Variants in BCO1 observed in about 807,000 individuals in gnomAD.
BCO1 encodes beta-carotene oxygenase 1, also known as beta,beta-carotene 15,15'-dioxygenase.
Under a neutral mutation model 56.3 loss-of-function variants are expected in BCO1, and 54 were observed. That is an observed-to-expected ratio of 0.96 (90% CI 0.77 to 1.20). BCO1 has a LOEUF of 1.20. BCO1 is among the 50% of genes most tolerant of loss of function. The probability of loss-of-function intolerance (pLI) is 0.00; values close to 1 mark genes in which losing one functional copy is unlikely to be tolerated. For missense variants in BCO1, 801 were observed against 690.9 expected (o/e 1.16, Z -1.79); for synonymous variants, 318 against 266.1 (o/e 1.20, Z -1.90).
intron 7 of BCO1, among the ~76,000 whole-genome samples, chr16:81,280,350 C>T (rs1025603334): frequency 8.4e-6 from 1 of 119,558 alleles, no homozygotes; most frequent in Non-Finnish European, 1.7e-5. Context: ...CACACACACA[C>T]ATTTAGTATA....
At chr16:81,246,305 T>C (rs532129278) in intron 2 of BCO1, among the ~76,000 whole-genome samples, 2 of 152,242 alleles carry the variant, frequency 1.3e-5, no homozygotes, top group East Asian at 3.9e-4. Flanking sequence ...CTCAAAATCC[T>C]TATTCACATC....
intron 2 of BCO1, among the ~76,000 whole-genome samples, chr16:81,252,495 A>T (rs1905869765): frequency 6.6e-6 from 1 of 152,112 alleles, no homozygotes; most frequent in Admixed American, 6.5e-5. Context: ...ACCTCAGGTG[A>T]TCCACCTGCC....
chr16:81,275,437 A>G (rs762381136), intron 7 of BCO1, among the ~76,000 whole-genome samples: 1 of 152,250 alleles, frequency 6.6e-6, no homozygotes, highest in African/African-American at 2.4e-5. Context: ...GTCAGGGATC[A>G]GCAGCATGAC....
At chr16:81,251,202 A>G (rs1905776734) in intron 2 of BCO1, among the ~76,000 whole-genome samples, 2 of 152,214 alleles carry the variant, frequency 1.3e-5, no homozygotes, top group South Asian at 4.1e-4. Context: ...AGCAAGAAAC[A>G]AAAAGGCAGA....
Position 81,251,421 on chromosome 16 carries a change from G to A in BCO1, c.193+5818G>A, listed in dbSNP as rs569292556. On this transcript the variant is annotated intron_variant, in intron 2 of 10. Transcript: ENST00000258168. The stretch of plus-strand genomic sequence containing the variant: ...CAGAAAATCAAAAAGTTATCCAGGC[G>A]TGGTGGTATGCACCTATAGTCCCAG... 5.3e-5 allele frequency among the ~76,000 whole-genome samples: 8 copies of A among 151,968 alleles called. No homozygotes were observed. In the South Asian group the frequency reaches 1.0e-3, roughly 20 times the overall value.
intron 10 of BCO1, among the ~76,000 whole-genome samples, chr16:81,288,545 G>A (rs556565753): frequency 1.3e-5 from 2 of 152,314 alleles, no homozygotes; most frequent in South Asian, 4.1e-4. Flanking sequence ...GATTACAGGT[G>A]TGAGCCAGTG....
At chr16:81,260,684 T>C (rs765644780) in intron 3 of BCO1, among the ~76,000 whole-genome samples, 31 of 152,132 alleles carry the variant, frequency 2.0e-4, no homozygotes, top group Non-Finnish European at 3.8e-4. Flanking sequence ...AATTTTTATA[T>C]TTTCAGTAGA....
chr16:81,270,548 G>T, intron 7 of BCO1, 132 bp downstream of exon 7: 4 of 1,266,354 alleles, frequency 3.2e-6, no homozygotes, highest in Middle Eastern at 5.4e-4. Context: ...AGTTTTCATT[G>T]TTTTTCCCAA....
chr16:81,242,048 G>C (rs1905147637), intron 1 of BCO1, among the ~76,000 whole-genome samples: 1 of 152,026 alleles, frequency 6.6e-6, no homozygotes, highest in South Asian at 2.1e-4. Context: ...GCATGTAAGT[G>C]TTCTTGTCCT....
intron 4 of BCO1, chr16:81,263,552 A>G (rs1906630092): frequency 6.6e-6 from 1 of 152,168 alleles, no homozygotes; most frequent in African/African-American, 2.4e-5. Flanking sequence ...TTTTTGCAAG[A>G]CACAATTCAA....
intron 7 of BCO1, 91 bp downstream of exon 7, chr16:81,270,507 A>G (rs1184653868): frequency 6.5e-7 from 1 of 1,545,046 alleles, no homozygotes; most frequent in Non-Finnish European, 8.9e-7. Flanking sequence ...TGACATTGAA[A>G]TCCAAATGAA....
At position 81,290,787 on chromosome 16, in the gene BCO1, C is replaced by T. The variant is rs1908420183; in HGVS notation, c.*210C>T. ...TTTGTTTGAAAGTCAAACATTTGAA[C>T]ATCAAATATGTATTGATTAGATCCA... is the stretch of plus-strand genomic sequence containing the variant. On this transcript the variant is annotated 3_prime_UTR_variant, in exon 11 of 11. Transcript: ENST00000258168. The T allele has an allele frequency of 5.3e-6, 3 of 571,322 alleles. No individual in the cohort carries two copies. The highest frequency in any genetic ancestry group is 9.3e-6 in the Non-Finnish European group (3 of 321,256). 35.4% of individuals were successfully genotyped at this position (571,322 alleles called of 1,614,324 possible).
chr16:81,246,442 A>G lies in BCO1; in HGVS notation c.193+839A>G, dbSNP rs1314208549. On this transcript the variant is annotated intron_variant, in intron 2 of 10. Coordinates refer to ENST00000258168, the MANE Select transcript of BCO1 (RefSeq NM_017429.3). ...CACAGACTTTCCTAAAAAGGAGGCC[A>G]AGGTTCTTTTTCAAATAGTTAATCT... Among the ~76,000 whole-genome samples, 5 of 152,182 alleles carry G rather than the reference A, an allele frequency of 3.3e-5. No individual in the cohort carries two copies. The East Asian group carries it at 9.6e-4, about 29-fold the overall frequency.
At chr16:81,248,405 C>CGAA (rs1905560815) in intron 2 of BCO1, among the ~76,000 whole-genome samples, 1 of 102,828 alleles carries the variant, frequency 9.7e-6, no homozygotes, top group Non-Finnish European at 1.8e-5. Flanking sequence ...CTCCCTCTCA[C>CGAA]AAAAAAAAAA....
rs1906377559 is a variant in BCO1, at chr16:81,259,860, G to A, written c.323+55G>A. 6 of 1,607,270 alleles carry A rather than the reference G, an allele frequency of 3.7e-6. No homozygotes were observed. The South Asian group carries it at 5.5e-5, about 15-fold the overall frequency. ...TTCATGCTTTTTGCTATCCTTGATG[G>A]CTGAAATAACCAGCATTTGCTCCTC... On this transcript the variant is annotated intron_variant, in intron 3 of 10. Transcript: ENST00000258168.
At chr16:81,250,456 T>C (rs1181819776) in intron 2 of BCO1, among the ~76,000 whole-genome samples, 1 of 152,016 alleles carries the variant, frequency 6.6e-6, no homozygotes, top group African/African-American at 2.4e-5. Context: ...ACACCAGAAA[T>C]GTTCAGTTCC....
Position 81,270,356 on chromosome 16 carries a change from C to CT in BCO1, c.1042dup (p.Ser348PhefsTer55). ...ACCTGAACCAGGACTTCAAGGAGAA[C>CT]TCCAGGCTCACCTCGGTCCCCACCC... On this transcript the variant is annotated frameshift_variant, in exon 7 of 11. Coordinates refer to ENST00000258168, the MANE Select transcript of BCO1 (RefSeq NM_017429.3). LOFTEE classifies it high-confidence loss of function. The CT allele has an allele frequency of 6.2e-7, 1 of 1,614,122 alleles. No individual in the cohort carries two copies. Among genetic ancestry groups the CT allele is most frequent in the Non-Finnish European group, 8.5e-7 (1 of 1,180,034 alleles).
At chr16:81,268,445 G>C (rs1361934803) in intron 6 of BCO1, among the ~76,000 whole-genome samples, 2 of 152,154 alleles carry the variant, frequency 1.3e-5, no homozygotes, top group African/African-American at 4.8e-5. Flanking sequence ...AGTCCTTATG[G>C]AGAGCTGGGC....
chr16:81,273,946 C>G (rs1907395301), intron 7 of BCO1, among the ~76,000 whole-genome samples: 1 of 152,194 alleles, frequency 6.6e-6, no homozygotes, highest in Non-Finnish European at 1.5e-5. Flanking sequence ...ATTTTCTCCC[C>G]TATGTGACTC....
Sources: gnomAD v4.1 joint callset for allele counts (sites outside exome capture counted in the v4.1 genomes callset) on GRCh38, gnomAD v4.1.1 for gene constraint, MANE v1.5 for transcripts, NCBI Gene and HGNC (gene_info 2026-07-23, HGNC 2026-07-21) for gene names.